The following BABAM1 variants were observed in gnomAD, a reference collection of about 807,000 sequenced individuals.
BABAM1 encodes the protein BRISC and BRCA1 A complex member 1.
BABAM1 carries 14 observed loss-of-function variants against 34.4 expected under a neutral mutation model. The ratio of observed to expected loss-of-function variants is 0.41; its 90% CI spans 0.27 to 0.64. The LOEUF is 0.64. BABAM1 is among the 30% of genes least tolerant of loss of function. The probability of loss-of-function intolerance (pLI) is 0.34; values close to 1 mark genes in which losing one functional copy is unlikely to be tolerated. For missense variants in BABAM1, 393 were observed against 434.0 expected (o/e 0.91, Z 0.84); for synonymous variants, 169 against 165.8 (o/e 1.02, Z -0.15).
chr19:17,267,900 G>C (rs1191502176), intron 1 of BABAM1, among the ~76,000 whole-genome samples: 3 of 151,982 alleles, frequency 2.0e-5, no homozygotes, highest in African/African-American at 4.8e-5. Flanking sequence ...TTCAGTTTTA[G>C]GTAACAGAAA....
At chr19:17,268,217 C>T (rs1264324639) in intron 1 of BABAM1, among the ~76,000 whole-genome samples, 1 of 150,190 alleles carries the variant, frequency 6.7e-6, no homozygotes, top group Non-Finnish European at 1.5e-5. Flanking sequence ...CTGGGATGTG[C>T]TCACTGGCCG....
At chr19:17,270,432 A>G (rs1005054613) in intron 2 of BABAM1, among the ~76,000 whole-genome samples, 1 of 151,734 alleles carries the variant, frequency 6.6e-6, no homozygotes, top group African/African-American at 2.4e-5. Context: ...TCTGTCTCCT[A>G]TAAGGACACT....
At chr19:17,275,985 T>A (rs1355065553) in intron 6 of BABAM1, among the ~76,000 whole-genome samples, 160 bp downstream of exon 6, 3 of 152,056 alleles carry the variant, frequency 2.0e-5, no homozygotes, top group Admixed American at 2.0e-4. Flanking sequence ...CTTGGGAGCA[T>A]GGGGGCTGGT....
rs1319122516 is a variant in BABAM1 at position 17,276,615 on chromosome 19, G to T, written c.690G>T (p.Glu230Asp). Residue 230 changes from glutamate to aspartate, a missense_variant, in exon 7 of 9, where the codon GAG (glutamate) becomes GAT (aspartate). By Grantham distance (45) the Glu-to-Asp change is conservative (BLOSUM62 2). Transcript: ENST00000598188. The stretch of plus-strand genomic sequence containing the variant: ...GCCAGCCCCAGTTCTCCTTGACGGA[G>T]CCCATGAAGGTGGGTGAGGCCTGGG... ...PPCQPQFSLT[E>D]PMKKMFQCPY... The T allele has an allele frequency of 6.2e-7, 1 of 1,604,222 alleles. No individual in the cohort carries two copies. The highest frequency in any genetic ancestry group is 8.5e-7 in the Non-Finnish European group (1 of 1,175,576).
intron 3 of BABAM1, among the ~76,000 whole-genome samples, chr19:17,273,291 C>T (rs2073863849): frequency 6.6e-6 from 1 of 152,086 alleles, no homozygotes; most frequent in Non-Finnish European, 1.5e-5. Flanking sequence ...TGAGGACCTC[C>T]TTGGAGATGT....
Position 17,268,859 on chromosome 19 carries a change from A to T in BABAM1, c.53A>T (p.Glu18Val). 6.2e-7 allele frequency: 1 copy of T among 1,608,280 alleles called. No individual in the cohort carries two copies. The highest frequency in any genetic ancestry group is 8.5e-7 in the Non-Finnish European group (1 of 1,177,662). The change falls in exon 2 of 9, where the codon GAG (glutamate) becomes GTG (valine). Residue 18 changes from glutamate to valine, a missense_variant. Coordinates refer to ENST00000598188, the MANE Select transcript of BABAM1 (RefSeq NM_014173.4). Reference sequence around the variant, plus strand: ...ACTGAAGAGGAGGAGGAGGAAGAGGAGCACTCGGCAGAGCCTCGGCCCCGC... The same window carrying T: ...ACTGAAGAGGAGGAGGAGGAAGAGGTGCACTCGGCAGAGCCTCGGCCCCGC... ...SPTEEEEEEEEHSAEPRPRTR... is the reference protein window; with the variant it reads ...SPTEEEEEEEVHSAEPRPRTR...
intron 2 of BABAM1, among the ~76,000 whole-genome samples, chr19:17,269,576 CT>C (rs1568332954): frequency 6.6e-6 from 1 of 151,986 alleles, no homozygotes; most frequent in African/African-American, 2.4e-5. Context: ...GTCTCGAACT[CT>C]TGACCTTGGG....
At chr19:17,276,247 A>G (rs761360189) in intron 6 of BABAM1, 30 of 562,960 alleles carry the variant, frequency 5.3e-5, no homozygotes, top group Non-Finnish European at 7.9e-5. Context: ...AGGCAGGAGA[A>G]TCGCTTGAAC....
intron 2 of BABAM1, among the ~76,000 whole-genome samples, chr19:17,271,371 T>C (rs1339687133): frequency 6.6e-6 from 1 of 152,186 alleles, no homozygotes; most frequent in African/African-American, 2.4e-5. Flanking sequence ...CATTTCTGTG[T>C]TTCTGTGTCA....
intron 5 of BABAM1, 30 bp from the exon 6 acceptor site, chr19:17,275,771 T>C: frequency 1.2e-6 from 2 of 1,613,660 alleles, no homozygotes; most frequent in Non-Finnish European, 1.7e-6. Context: ...ACTCGTGCTC[T>C]ACTAGCCTTC....
Position 17,268,790 on chromosome 19 carries a change from C to T in BABAM1, c.-13-4C>T. ...CTGGCTTCCCCTGTCCGTGTTCCAT[C>T]TAGCCACACAGGAGCCATGGAAGTG... On this transcript the variant is annotated splice_polypyrimidine_tract_variant and splice_region_variant and intron_variant, in intron 1 of 8. Transcript: ENST00000598188. 2 of 1,585,094 alleles carry T rather than the reference C, an allele frequency of 1.3e-6. No individual in the cohort carries two copies. Among genetic ancestry groups the T allele is most frequent in the Non-Finnish European group, 1.7e-6 (2 of 1,164,258 alleles).
intron 3 of BABAM1, 127 bp downstream of exon 3, chr19:17,271,782 A>T: frequency 9.3e-7 from 1 of 1,079,062 alleles, no homozygotes; most frequent in Non-Finnish European, 1.4e-6. Flanking sequence ...AGTATCAGAG[A>T]TTAGCAAGAG....
Position 17,276,526 on chromosome 19 carries a change from A to G in BABAM1, c.601A>G (p.Asn201Asp). ...GAAAACTGAGCTTCCGGTCACAGAG[A>G]ACGTGCAGACGATTCCCCCGCCATA... is the stretch of plus-strand genomic sequence containing the variant. Reference protein sequence around the residue: ...QQKTELPVTENVQTIPPPYVV... With the variant: ...QQKTELPVTEDVQTIPPPYVV... The change falls in exon 7 of 9, where the codon AAC (asparagine) becomes GAC (aspartate). Residue 201 changes from asparagine (N) to aspartate (D), a missense_variant. Physicochemically the swap from Asn to Asp is conservative, Grantham distance 23 (BLOSUM62 1). Transcript: ENST00000598188. 6.3e-7 allele frequency: 1 copy of G among 1,594,860 alleles called. No homozygotes were observed. The highest frequency in any genetic ancestry group is 1.7e-4 in the Middle Eastern group (1 of 6,040).
chr19:17,273,859 G>A (rs1245485420), intron 3 of BABAM1, 45 bp from the exon 4 acceptor site: 19 of 1,552,114 alleles, frequency 1.2e-5, no homozygotes, highest in Admixed American at 5.9e-5. Context: ...CACTGTGCCC[G>A]GCCCTGAGGG....
At position 17,276,839 on chromosome 19, in the gene BABAM1, C is replaced by A; in HGVS notation, c.716C>A (p.Pro239Gln). ...TEPMKKMFQC[P>Q]YFFFDVVYIH... ...CCCCTGCAGAAAATGTTCCAGTGCC[C>A]ATATTTCTTCTTTGACGTTGTTTAC... Residue 239 changes from proline (P) to glutamine (Q), a missense_variant, in exon 8 of 9, where the codon CCA becomes CAA. By Grantham distance (76) the Pro-to-Gln change is moderately conservative. Transcript: ENST00000598188. 1 of 1,604,984 alleles carries A rather than the reference C, an allele frequency of 6.2e-7. No individual in the cohort carries two copies. The highest frequency in any genetic ancestry group is 8.5e-7 in the Non-Finnish European group (1 of 1,175,700).
chr19:17,268,872 G>A lies in BABAM1; in HGVS notation c.66G>A (p.Glu22=), dbSNP rs1293466124. The change falls in exon 2 of 9, where the codon GAG becomes GAA. Residue 22 remains glutamate (E), a synonymous_variant. Coordinates refer to ENST00000598188, the MANE Select transcript of BABAM1 (RefSeq NM_014173.4). The part of the protein sequence containing the change: ...EEEEEEEHSA[E]PRPRTRSNPE... Reference sequence around the variant, plus strand: ...AGGAGGAAGAGGAGCACTCGGCAGAGCCTCGGCCCCGCACTCGCTCCAATC... The same window carrying A: ...AGGAGGAAGAGGAGCACTCGGCAGAACCTCGGCCCCGCACTCGCTCCAATC... 1.9e-6 allele frequency: 3 copies of A among 1,604,002 alleles called. No individual in the cohort carries two copies. Among genetic ancestry groups the A allele is most frequent in the South Asian group, 1.1e-5 (1 of 89,306 alleles).
rs746663940 is a variant in BABAM1 at position 17,276,507 on chromosome 19, T to C, written c.582T>C (p.Thr194=). The C allele has an allele frequency of 5.6e-6, 9 of 1,593,978 alleles. No homozygotes were observed. The Admixed American group carries it at 1.6e-4, about 28-fold the overall frequency. ...CCCGGGTATGCAGCCAGCAGAAAAC[T>C]GAGCTTCCGGTCACAGAGAACGTGC... The part of the protein sequence containing the change: ...EGLFSLIQQK[T]ELPVTENVQT... Residue 194 remains threonine, a synonymous_variant, in exon 7 of 9, where the codon ACT becomes ACC. Coordinates refer to ENST00000598188, the MANE Select transcript of BABAM1 (RefSeq NM_014173.4).
intron 5 of BABAM1, 72 bp downstream of exon 5, chr19:17,274,257 T>C: frequency 1.9e-6 from 3 of 1,564,854 alleles, no homozygotes; most frequent in Non-Finnish European, 1.7e-6. Flanking sequence ...CCCAGGAAAG[T>C]CTAAGTCATG....
chr19:17,273,716 C>T (rs1382652219), intron 3 of BABAM1, among the ~76,000 whole-genome samples, 188 bp from the exon 4 acceptor site: 1 of 151,896 alleles, frequency 6.6e-6, no homozygotes, highest in African/African-American at 2.4e-5. Context: ...GCACTCGCCA[C>T]CACGCCTGGC....
Sources: allele counts gnomAD v4.1 joint callset (sites outside exome capture counted in the v4.1 genomes callset), GRCh38; gene constraint gnomAD v4.1.1; transcripts MANE v1.5; gene names NCBI Gene and HGNC (gene_info 2026-07-23, HGNC 2026-07-21).